FANCG: variants seen among roughly 807,000 people sequenced by gnomAD.
The protein encoded by FANCG is Fanconi anemia group G protein.
FANCG carries 67 observed loss-of-function variants against 73.3 expected under a neutral mutation model. The ratio of observed to expected loss-of-function variants is 0.91; its 90% CI spans 0.75 to 1.12. FANCG has a LOEUF of 1.12. Ranked by LOEUF, FANCG falls within the 50% of genes most tolerant of loss-of-function variation. The probability of loss-of-function intolerance (pLI) is 0.00; values close to 1 mark genes in which losing one functional copy is unlikely to be tolerated. For missense variants in FANCG, 643 were observed against 735.6 expected (o/e 0.87, Z 1.46); for synonymous variants, 297 against 311.6 (o/e 0.95, Z 0.49).
chr9:35,075,923 C>T (rs763125734), intron 9 of FANCG, 39 bp downstream of exon 9: 2 of 1,607,860 alleles, frequency 1.2e-6, no homozygotes, highest in African/African-American at 1.3e-5. Context: ...GACACCAACC[C>T]GTCTACCCCA....
At position 35,073,858 on chromosome 9, in the gene FANCG, G is replaced by A. The variant is rs535188841; in HGVS notation, c.*250C>T. On this transcript the variant is annotated 3_prime_UTR_variant, in exon 14 of 14. Coordinates refer to ENST00000378643, the MANE Select transcript of FANCG (RefSeq NM_004629.2). ...ACGAGATAAATATGAAATTTTACTC[G>A]ACAACAGAAAAGGAGAAACAGGAAA... The A allele has an allele frequency of 3.7e-5, 21 of 568,278 alleles. No individual in the cohort carries two copies. Among genetic ancestry groups the A allele is most frequent in the African/African-American group, 3.0e-4 (16 of 53,410 alleles). 35.2% of individuals were successfully genotyped at this position (568,278 alleles called of 1,614,324 possible). A position where few individuals can be genotyped will look rare whatever the true frequency, so the allele number is the denominator to read the frequency against.
At chr9:35,078,463 C>A in intron 3 of FANCG, 120 bp from the exon 4 acceptor site, 1 of 1,520,016 alleles carries the variant, frequency 6.6e-7, no homozygotes, top group Non-Finnish European at 9.1e-7. Flanking sequence ...AATAATAATA[C>A]CTCAACCTGG....
chr9:35,077,977 G>A (rs1829116623), intron 4 of FANCG, 164 bp downstream of exon 4: 2 of 720,134 alleles, frequency 2.8e-6, no homozygotes, highest in Admixed American at 2.1e-5. Flanking sequence ...CCCACAATGA[G>A]AGACCAACCA....
intron 8 of FANCG, 53 bp downstream of exon 8, chr9:35,076,379 G>A (rs1403957171): frequency 1.2e-6 from 2 of 1,605,472 alleles, no homozygotes; most frequent in Admixed American, 3.3e-5. Context: ...TCACACCCCA[G>A]GGGAGGCATC....
rs1444000288 is a variant in FANCG, at chr9:35,076,962, T to C, written c.777+9A>G. 6.2e-7 allele frequency: 1 copy of C among 1,614,186 alleles called. No individual in the cohort carries two copies. The highest frequency in any genetic ancestry group is 8.5e-7 in the Non-Finnish European group (1 of 1,180,028). ...TGGTTTCCCCAATCCACCCTAGGAC[T>C]GTCTTTACCATCTTACGGTGACAGG... On this transcript the variant is annotated intron_variant, in intron 6 of 13. Transcript: ENST00000378643.
At position 35,075,979 on chromosome 9, in the gene FANCG, C is replaced by T; in HGVS notation, c.1126G>A (p.Asp376Asn). 1 of 1,614,186 alleles carries T rather than the reference C, an allele frequency of 6.2e-7. No homozygotes were observed. Residue 376 changes from aspartate to asparagine, a missense_variant, in exon 9 of 14, where the codon GAT becomes AAT. Asp to Asn is a conservative substitution (Grantham distance 23). Coordinates refer to ENST00000378643, the MANE Select transcript of FANCG (RefSeq NM_004629.2). ...ACACCCACCCTTGGCTCCGAGCTAT[C>T]CAGCAACAGGGCCAGCAGGTCCAAG... is the stretch of plus-strand genomic sequence containing the variant. The part of the protein sequence containing the change: ...HYLDLLALLL[D>N]SSEPRFSPPP...
Position 35,076,253 on chromosome 9 carries a change from GTC to G in FANCG, c.1076+177_1076+178del. On this transcript the variant is annotated intron_variant, in intron 8 of 13. Transcript: ENST00000378643. ...AGTGTCAAAGATAGAGAAGGTTAAT[GTC>G]TTAGAGAAGAGTCCTCAGTTCAGGT... The G allele has an allele frequency of 1.1e-5, 9 of 805,692 alleles. No individual in the cohort carries two copies. In the South Asian group the frequency reaches 1.3e-4, roughly 12 times the overall value. The allele number at this position is 805,692 out of a possible 1,614,324, so 49.9% of individuals were successfully genotyped here. A position where few individuals can be genotyped will look rare whatever the true frequency, so the allele number is the denominator to read the frequency against.
In FANCG at chr9:35,076,449, C is replaced by A. The variant is rs1489928689; in HGVS notation, c.1059G>T (p.Arg353Ser). ...AACCTCACCTCCCCGTCTGTAGGCA[C>A]CTGCTTGCTAGTATGTGCTTGGTCT... ...QSQTKHILAS[R>S]CLQTGRAGDA... is the part of the protein sequence containing the mutation. The change falls in exon 8 of 14, where the codon AGG becomes AGT. Residue 353 changes from arginine (R) to serine (S), a missense_variant. By Grantham distance (110) the Arg-to-Ser change is moderately radical. Transcript: ENST00000378643. 6.2e-7 allele frequency: 1 copy of A among 1,613,960 alleles called. No homozygotes were observed. The highest frequency in any genetic ancestry group is 1.3e-5 in the African/African-American group (1 of 74,880).
At position 35,074,009 on chromosome 9, in the gene FANCG, T is replaced by C; in HGVS notation, c.*99A>G. On this transcript the variant is annotated 3_prime_UTR_variant, in exon 14 of 14. Transcript: ENST00000378643. Reference sequence around the variant, plus strand: ...CAATCTCACCAGTCCAGGAATTATATAGGAATGGTCACATTCCTAATGATG... The same window carrying C: ...CAATCTCACCAGTCCAGGAATTATACAGGAATGGTCACATTCCTAATGATG... 1.1e-6 allele frequency: 1 copy of C among 922,468 alleles called. No individual in the cohort carries two copies. Among genetic ancestry groups the C allele is most frequent in the South Asian group, 1.3e-5 (1 of 76,228 alleles). 57.1% of individuals were successfully genotyped at this position (922,468 alleles called of 1,614,324 possible).
rs1024155995 is a variant in FANCG at position 35,074,544 on chromosome 9, G to A, written c.1637-50C>T. 1.2e-6 allele frequency: 2 copies of A among 1,612,926 alleles called. 1 individual carries two copies. Among genetic ancestry groups the A allele is most frequent in the South Asian group, 2.2e-5 (2 of 90,998 alleles). ...AGTCTTAGAACTTGACATAGTCTTA[G>A]GCATTGTTTTATAAAAAGGGAAACT... On this transcript the variant is annotated intron_variant, in intron 12 of 13. Coordinates refer to ENST00000378643, the MANE Select transcript of FANCG (RefSeq NM_004629.2).
At position 35,079,785 on chromosome 9, in the gene FANCG, A is replaced by G. The variant is rs1829149725; in HGVS notation, c.-261T>C. 1.8e-6 allele frequency: 1 copy of G among 549,258 alleles called. No individual in the cohort carries two copies. 34.0% of individuals were successfully genotyped at this position (549,258 alleles called of 1,614,324 possible). On this transcript the variant is annotated 5_prime_UTR_variant, in exon 1 of 14. Coordinates refer to ENST00000378643, the MANE Select transcript of FANCG (RefSeq NM_004629.2). ...CTCTGGGCTGCGGTTGGTCCTCTTGAAGAGTTAGTTCCCGCGGGAAACTCG... is the reference window on the plus strand; with the variant it reads ...CTCTGGGCTGCGGTTGGTCCTCTTGGAGAGTTAGTTCCCGCGGGAAACTCG...
chr9:35,078,138 T>C lies in FANCG; in HGVS notation c.510+3A>G. On this transcript the variant is annotated splice_donor_region_variant and intron_variant, in intron 4 of 13. Coordinates refer to ENST00000378643, the MANE Select transcript of FANCG (RefSeq NM_004629.2). Reference sequence around the variant, plus strand: ...CTCAGCTTCAGGTCACTTTCCCTATTACCTGGCTGCCATTCAGGGTCTCTA... The same window carrying C: ...CTCAGCTTCAGGTCACTTTCCCTATCACCTGGCTGCCATTCAGGGTCTCTA... The C allele has an allele frequency of 6.2e-7, 1 of 1,613,750 alleles. No homozygotes were observed. The highest frequency in any genetic ancestry group is 8.5e-7 in the Non-Finnish European group (1 of 1,179,740).
Position 35,076,328 on chromosome 9 carries a change from C to G in FANCG, c.1076+104G>C, listed in dbSNP as rs1252885330. ...AGGAGTGGCGACCTATGTCCTGCCA[C>G]TGCCTCATTCATCCCCCAAGTCACA... On this transcript the variant is annotated intron_variant, in intron 8 of 13. Coordinates refer to ENST00000378643, the MANE Select transcript of FANCG (RefSeq NM_004629.2). 4 of 1,391,988 alleles carry G rather than the reference C, an allele frequency of 2.9e-6. No individual in the cohort carries two copies. The African/African-American group carries it at 4.3e-5, about 15-fold the overall frequency. The allele number at this position is 1,391,988 out of a possible 1,614,324, so 86.2% of individuals were successfully genotyped here. A position where few individuals can be genotyped will look rare whatever the true frequency, so the allele number is the denominator to read the frequency against.
chr9:35,075,282 G>A lies in FANCG; in HGVS notation c.1477C>T (p.Gln493Ter). 6.2e-7 allele frequency: 1 copy of A among 1,614,138 alleles called. No homozygotes were observed. Among genetic ancestry groups the A allele is most frequent in the South Asian group, 1.1e-5 (1 of 91,078 alleles). The change falls in exon 11 of 14, where the codon CAA (glutamine) becomes TAA (stop). Residue 493 changes from glutamine to a stop codon, truncating the protein, a stop_gained. Coordinates refer to ENST00000378643, the MANE Select transcript of FANCG (RefSeq NM_004629.2). LOFTEE classifies it high-confidence loss of function. Reference sequence around the variant, plus strand: ...GAAAACTGAAAGTTTAGATCACCTTGTTCTTTTTCCTCAGGTGTGGCCCGG... The same window carrying A: ...GAAAACTGAAAGTTTAGATCACCTTATTCTTTTTCCTCAGGTGTGGCCCGG... Reference protein sequence around the residue: ...LFRATPEEKEQGAAFNCEQGC... With the variant: ...LFRATPEEKE
intron 4 of FANCG, among the ~76,000 whole-genome samples, chr9:35,077,627 T>C (rs1829110255): frequency 6.6e-6 from 1 of 151,950 alleles, no homozygotes; most frequent in Non-Finnish European, 1.5e-5. Context: ...AAGAAAAACC[T>C]GGGGCAGTGA....
At position 35,078,146 on chromosome 9, in the gene FANCG, T is replaced by G; in HGVS notation, c.505A>C (p.Ser169Arg). The G allele has an allele frequency of 1.2e-6, 2 of 1,614,088 alleles. No individual in the cohort carries two copies. The highest frequency in any genetic ancestry group is 2.2e-5 in the South Asian group (2 of 91,088). The change falls in exon 4 of 14, where the codon AGC becomes CGC. Residue 169 changes from serine to arginine, a missense_variant. Physicochemically the swap from Ser to Arg is moderately radical, Grantham distance 110 (BLOSUM62 -1). Coordinates refer to ENST00000378643, the MANE Select transcript of FANCG (RefSeq NM_004629.2). ...LALLLETLNG[S>R]QSGASKDLLL... The stretch of plus-strand genomic sequence containing the variant: ...CAGGTCACTTTCCCTATTACCTGGC[T>G]GCCATTCAGGGTCTCTAGTAACAAG...
Position 35,077,291 on chromosome 9 carries a change from G to A in FANCG, c.619C>T (p.Leu207Phe), listed in dbSNP as rs2131057102. Residue 207 changes from leucine to phenylalanine, a missense_variant, in exon 5 of 14, where the codon CTC (leucine) becomes TTC (phenylalanine). Physicochemically the swap from Leu to Phe is conservative, Grantham distance 22 (BLOSUM62 0). Coordinates refer to ENST00000378643, the MANE Select transcript of FANCG (RefSeq NM_004629.2). ...TGGCGGTAGGCAAATGCTGTCAGGA[G>A]GACATCCTTCAATCCCTGGGCATCC... is the stretch of plus-strand genomic sequence containing the variant. ...LQDAQGLKDV[L>F]LTAFAYRQGL... 7 of 1,614,204 alleles carry A rather than the reference G, an allele frequency of 4.3e-6. No homozygotes were observed. Among genetic ancestry groups the A allele is most frequent in the Non-Finnish European group, 5.9e-6 (7 of 1,180,038 alleles).
Position 35,079,388 on chromosome 9 carries a change from C to T in FANCG, c.84+53G>A. The T allele has an allele frequency of 9.3e-6, 15 of 1,607,626 alleles. No homozygotes were observed. The South Asian group carries it at 1.4e-4, about 15-fold the overall frequency. On this transcript the variant is annotated intron_variant, in intron 1 of 13. Transcript: ENST00000378643. Reference sequence around the variant, plus strand: ...CGGTTGGGGTAAATCCACTGCAAACCCGCTTTCAGGGATCTTGAGGCTGCA... The same window carrying T: ...CGGTTGGGGTAAATCCACTGCAAACTCGCTTTCAGGGATCTTGAGGCTGCA...
intron 1 of FANCG, 39 bp downstream of exon 1, chr9:35,079,402 C>T: frequency 1.2e-6 from 2 of 1,611,978 alleles, no homozygotes; most frequent in South Asian, 2.2e-5. Flanking sequence ...TTTCAGGGAT[C>T]TTGAGGCTGC....
Sources: allele counts gnomAD v4.1 joint callset (sites outside exome capture counted in the v4.1 genomes callset), GRCh38; gene constraint gnomAD v4.1.1; transcripts MANE v1.5; gene names NCBI Gene and HGNC (gene_info 2026-07-23, HGNC 2026-07-21).